The following PDXDC1 variants were observed in gnomAD, a reference collection of about 807,000 sequenced individuals.
PDXDC1 encodes pyridoxal-dependent decarboxylase domain-containing protein 1.
A neutral mutation model predicts 100.1 loss-of-function variants in PDXDC1; 42 were observed. The ratio of observed to expected loss-of-function variants is 0.42; its 90% CI spans 0.33 to 0.54. The LOEUF (loss-of-function observed/expected upper bound fraction) is 0.54. Among genes scored for constraint, PDXDC1 ranks in the 20% least tolerant of loss-of-function variants. PDXDC1 has a pLI of 0.10. For synonymous variants in PDXDC1, 260 were observed against 371.7 expected, an observed-to-expected ratio of 0.70 and a Z score of 3.46; for missense variants, 636 against 979.2, an observed-to-expected ratio of 0.65 and a Z score of 4.68.
At chr16:15,065,889 G>T (rs2044949115) in intron 16 of PDXDC1, among the ~76,000 whole-genome samples, 1 of 152,224 alleles carries the variant, frequency 6.6e-6, no homozygotes, top group Admixed American at 6.5e-5. Flanking sequence ...ACTAAGTCAT[G>T]ACCTCAAAAA....
Position 15,021,515 on chromosome 16 carries a change from C to T in PDXDC1, c.1090-1189C>T, listed in dbSNP as rs2042206793. Among the ~76,000 whole-genome samples the T allele has an allele frequency of 2.0e-5, 3 of 152,280 alleles. No individual in the cohort carries two copies. In the South Asian group the frequency reaches 6.2e-4, roughly 31 times the overall value. ...TCTTAGGAAAGAGAAGCCTTAGTAA[C>T]TTAGTTTAGAGACGACTTGGGCACT... On this transcript the variant is annotated intron_variant, in intron 12 of 22. Transcript: ENST00000396410.
At chr16:15,001,052 T>C (rs1347506325) in intron 3 of PDXDC1, among the ~76,000 whole-genome samples, 2 of 152,206 alleles carry the variant, frequency 1.3e-5, no homozygotes, top group African/African-American at 2.4e-5. Flanking sequence ...TGTATAGAAA[T>C]GTTGCTAGAG....
intron 16 of PDXDC1, chr16:15,092,588 T>C: frequency 6.2e-7 from 1 of 1,612,476 alleles, no homozygotes; most frequent in Non-Finnish European, 8.5e-7. Flanking sequence ...GAAAAAGTCA[T>C]TCTCTAATGC....
chr16:15,034,878 C>T (rs932700588), intron 21 of PDXDC1, among the ~76,000 whole-genome samples: 1 of 152,184 alleles, frequency 6.6e-6, no homozygotes, highest in African/African-American at 2.4e-5. Context: ...TACTTCTTGT[C>T]TTCATGTGTG....
At chr16:15,099,587 C>G (rs1177135712) in intron 16 of PDXDC1, among the ~76,000 whole-genome samples, 1 of 151,902 alleles carries the variant, frequency 6.6e-6, no homozygotes, top group Non-Finnish European at 1.5e-5. Flanking sequence ...CTTATCCAGT[C>G]TTGCCTTCCC....
chr16:14,980,868 G>T (rs1967810721), intron 1 of PDXDC1, among the ~76,000 whole-genome samples: 1 of 152,292 alleles, frequency 6.6e-6, no homozygotes, highest in Non-Finnish European at 1.5e-5. Flanking sequence ...CCAAAGTGCT[G>T]GGATTACAGA....
At chr16:15,105,035 G>A (rs2046744836) in intron 16 of PDXDC1, among the ~76,000 whole-genome samples, 1 of 144,938 alleles carries the variant, frequency 6.9e-6, no homozygotes, top group Admixed American at 7.0e-5. Flanking sequence ...CCCCAGGGAA[G>A]ACAGAGTCAT....
At chr16:15,071,389 A>G in intron 16 of PDXDC1, 1 of 824,146 alleles carries the variant, frequency 1.2e-6, no homozygotes, top group South Asian at 2.0e-5. Flanking sequence ...TTCATTTTTA[A>G]AACACATTGA....
At chr16:15,079,288 G>T (rs1485406253) in intron 16 of PDXDC1, among the ~76,000 whole-genome samples, 1 of 152,064 alleles carries the variant, frequency 6.6e-6, no homozygotes, top group African/African-American at 2.4e-5. Flanking sequence ...CATTCCCACT[G>T]CACCTTAGTG....
At chr16:15,127,158 C>T (rs2047779597) in intron 16 of PDXDC1, 1 of 376,934 alleles carries the variant, frequency 2.7e-6, no homozygotes, top group East Asian at 6.6e-5. Context: ...AGATTTTCTT[C>T]TGGAGTGCAT....
chr16:15,130,457 G>A (rs757214267), intron 16 of PDXDC1: 2 of 1,430,934 alleles, frequency 1.4e-6, no homozygotes, highest in South Asian at 1.1e-5. Flanking sequence ...CTCTGGTCCT[G>A]GGCAGGGAAG....
At chr16:15,073,118 CAT>C (rs1567198572) in intron 16 of PDXDC1, 1 of 1,598,222 alleles carries the variant, frequency 6.3e-7, no homozygotes, top group Admixed American at 1.8e-5. Flanking sequence ...TTTATAAAGA[CAT>C]ATTTTCAAGT....
the PDXDC1 span, among the ~76,000 whole-genome samples, chr16:15,147,655 T>C: frequency 3.3e-5 from 5 of 152,274 alleles, no homozygotes; most frequent in South Asian, 1.0e-3. Flanking sequence ...GCCCCCAAAG[T>C]AGCTGAGACT....
rs1050367632 is a variant in PDXDC1 at position 15,035,947 on chromosome 16, G to A, written c.2108-69G>A. 6.8e-6 allele frequency: 10 copies of A among 1,461,102 alleles called. No homozygotes were observed. The South Asian group carries it at 1.2e-4, about 17-fold the overall frequency. 90.5% of individuals were successfully genotyped at this position (1,461,102 alleles called of 1,614,324 possible). Reference sequence around the variant, plus strand: ...TTGTGAAATAAAGCAATTATCTGTTGCAGAGACAGCCTGTGTTGCAGAAGT... The same window carrying A: ...TTGTGAAATAAAGCAATTATCTGTTACAGAGACAGCCTGTGTTGCAGAAGT... On this transcript the variant is annotated intron_variant, in intron 22 of 22. Coordinates refer to ENST00000396410, the MANE Select transcript of PDXDC1 (RefSeq NM_015027.4).
At chr16:15,137,446 C>G (rs2048384031) in intron 16 of PDXDC1, 1 of 1,243,774 alleles carries the variant, frequency 8.0e-7, no homozygotes, top group Admixed American at 2.0e-5. Context: ...CGCTGCAGGC[C>G]TCTGGCTGAA....
intron 18 of PDXDC1, 146 bp from the exon 19 acceptor site, chr16:15,033,132 C>T: frequency 2.9e-6 from 3 of 1,025,298 alleles, no homozygotes; most frequent in Non-Finnish European, 4.4e-6. Context: ...CCTTCTGCAG[C>T]CTTGCCAGGC....
rs565457885 is a variant in PDXDC1, at chr16:15,127,436, T to C, written c.1400-11443T>C. ...CATGGTGCCGAGGCCCAGGCTCCAT[T>C]CCCAGTACTCCCCGGTCCCCAGCCC... On this transcript the variant is annotated intron_variant, in intron 16 of 16. Transcript: ENST00000535621. 4 of 1,515,332 alleles carry C rather than the reference T, an allele frequency of 2.6e-6. No homozygotes were observed. In the East Asian group the frequency reaches 9.7e-5, roughly 37 times the overall value. The allele number at this position is 1,515,332 out of a possible 1,614,324, so 93.9% of individuals were successfully genotyped here. A position where few individuals can be genotyped will look rare whatever the true frequency, so the allele number is the denominator to read the frequency against.
chr16:15,032,966 A>G lies in PDXDC1; in HGVS notation c.1677A>G (p.Leu559=), dbSNP rs776208525. ...LKKLNELESD[L]TFKIGPEYKS... is the part of the protein sequence containing the mutation. ...AGTTAAATGAACTGGAATCTGACCT[A>G]ACCTTTAAAATAGGTAACTGCTTAC... The change falls in exon 18 of 23, where the codon CTA becomes CTG. Residue 559 remains leucine (L), a synonymous_variant. Coordinates refer to ENST00000396410, the MANE Select transcript of PDXDC1 (RefSeq NM_015027.4). 4 of 1,577,640 alleles carry G rather than the reference A, an allele frequency of 2.5e-6. No homozygotes were observed. The East Asian group carries it at 8.9e-5, about 35-fold the overall frequency.
At chr16:15,031,020 T>C (rs1406025053) in intron 16 of PDXDC1, among the ~76,000 whole-genome samples, 1 of 151,358 alleles carries the variant, frequency 6.6e-6, no homozygotes, top group Non-Finnish European at 1.5e-5. Context: ...GTCTTCACCA[T>C]AGCTCATTGC....
Sources: gnomAD v4.1 joint callset for allele counts (sites outside exome capture counted in the v4.1 genomes callset) on GRCh38, gnomAD v4.1.1 for gene constraint, MANE v1.5 for transcripts, NCBI Gene and HGNC (gene_info 2026-07-23, HGNC 2026-07-21) for gene names.